Variants in ANO10 observed in about 807,000 individuals in gnomAD.
The protein encoded by ANO10 is anoctamin 10.
In ANO10, 77 loss-of-function variants were observed where a neutral mutation model predicts 74.7. The ratio of observed to expected loss-of-function variants is 1.03; its 90% confidence interval spans 0.86 to 1.25. ANO10 has a LOEUF of 1.25. Ranked by LOEUF, ANO10 falls within the 50% of genes most tolerant of loss-of-function variation. ANO10 has a pLI of 0.00. For synonymous variants in ANO10, 279 were observed against 284.9 expected, an observed-to-expected ratio of 0.98 and a Z score of 0.21; for missense variants, 721 against 778.1, an observed-to-expected ratio of 0.93 and a Z score of 0.87.
intron 4 of ANO10, among the ~76,000 whole-genome samples, chr3:43,583,997 T>C (rs1279906827): frequency 1.3e-5 from 2 of 152,242 alleles, no homozygotes; most frequent in Non-Finnish European, 2.9e-5. Flanking sequence ...ATGGTTAAAA[T>C]GTTAAGAAAC....
chr3:43,370,712 A>T (rs1482517891), intron 12 of ANO10, among the ~76,000 whole-genome samples: 1 of 152,238 alleles, frequency 6.6e-6, no homozygotes, highest in Non-Finnish European at 1.5e-5. Flanking sequence ...ATTTTCCCCT[A>T]ACTTGTGACT....
intron 1 of ANO10, among the ~76,000 whole-genome samples, chr3:43,678,788 G>A (rs1483340850): frequency 6.6e-6 from 1 of 152,104 alleles, no homozygotes; most frequent in Non-Finnish European, 1.5e-5. Flanking sequence ...TGTAATTTGA[G>A]CCATTATAAG....
chr3:43,628,803 A>G (rs2083517103), intron 1 of ANO10, among the ~76,000 whole-genome samples: 1 of 152,172 alleles, frequency 6.6e-6, no homozygotes, highest in Non-Finnish European at 1.5e-5. Flanking sequence ...CATTTGGAAG[A>G]GGAAATTCCC....
chr3:43,610,563 G>A (rs906903855), intron 1 of ANO10, among the ~76,000 whole-genome samples: 6 of 152,128 alleles, frequency 3.9e-5, no homozygotes, highest in Admixed American at 1.3e-4. Context: ...GTTACACTAC[G>A]ATGTCAGCAG....
intron 11 of ANO10, among the ~76,000 whole-genome samples, chr3:43,450,852 G>C (rs534975672): frequency 1.2e-4 from 18 of 152,130 alleles, no homozygotes; most frequent in Non-Finnish European, 1.9e-4. Flanking sequence ...CTGAAAAACT[G>C]CATTTTGGTC....
intron 11 of ANO10, among the ~76,000 whole-genome samples, chr3:43,470,281 T>C (rs1028377232): frequency 1.3e-5 from 2 of 152,174 alleles, no homozygotes; most frequent in Admixed American, 6.6e-5. Context: ...AGCAAAACTA[T>C]AGAGACAGTG....
At chr3:43,612,142 A>ATATATG (rs1553740634) in intron 1 of ANO10, among the ~76,000 whole-genome samples, 5 of 12,582 alleles carry the variant, frequency 4.0e-4, no homozygotes, top group African/African-American at 7.7e-4. Context: ...TAAATATTTT[A>ATATATG]TATATATATA....
chr3:43,558,957 G>C (rs2079894102), intron 9 of ANO10, among the ~76,000 whole-genome samples: 1 of 152,176 alleles, frequency 6.6e-6, no homozygotes, highest in Non-Finnish European at 1.5e-5. Flanking sequence ...CACAGACCCA[G>C]AGCCTGAGAG....
intron 11 of ANO10, among the ~76,000 whole-genome samples, chr3:43,460,994 G>GAA (rs35541318): frequency 2.2e-5 from 3 of 136,022 alleles, no homozygotes; most frequent in African/African-American, 8.0e-5. Context: ...GAAGGGGCTA[G>GAA]AAAAAAAAAA....
chr3:43,427,343 C>T (rs1156720709), intron 12 of ANO10, among the ~76,000 whole-genome samples: 2 of 152,058 alleles, frequency 1.3e-5, no homozygotes, highest in African/African-American at 4.8e-5. Flanking sequence ...TCCCTGGGCG[C>T]CACCTTCGAT....
chr3:43,400,966 T>G (rs1277340955), intron 12 of ANO10, among the ~76,000 whole-genome samples: 1 of 152,204 alleles, frequency 6.6e-6, no homozygotes. Context: ...TTTTTTTCCC[T>G]TCCGTTAATC....
At chr3:43,677,376 C>T (rs1037847638) in intron 1 of ANO10, among the ~76,000 whole-genome samples, 6 of 152,186 alleles carry the variant, frequency 3.9e-5, no homozygotes, top group African/African-American at 1.4e-4. Context: ...TGGTGAAACC[C>T]AGTCTCTTCT....
intron 12 of ANO10, among the ~76,000 whole-genome samples, chr3:43,379,547 G>A (rs1005932597): frequency 6.6e-6 from 1 of 152,194 alleles, no homozygotes; most frequent in Non-Finnish European, 1.5e-5. Flanking sequence ...ACTGCCTCCA[G>A]GCTCTGTGGG....
At chr3:43,389,200 G>A (rs1368696022) in intron 12 of ANO10, among the ~76,000 whole-genome samples, 1 of 152,236 alleles carries the variant, frequency 6.6e-6, no homozygotes, top group Non-Finnish European at 1.5e-5. Context: ...CCCAACAGGT[G>A]TTGAAGTAAA....
At chr3:43,585,038 T>C (rs946989391) in intron 4 of ANO10, among the ~76,000 whole-genome samples, 1 of 152,202 alleles carries the variant, frequency 6.6e-6, no homozygotes, top group Non-Finnish European at 1.5e-5. Flanking sequence ...GAAAATCTAG[T>C]ATTTAAGTTA....
At chr3:43,689,184 T>G (rs1034591989) in intron 1 of ANO10, 23 of 152,196 alleles carry the variant, frequency 1.5e-4, no homozygotes, top group African/African-American at 5.1e-4. Context: ...CCTCTAACAC[T>G]GGAGATCACA....
intron 11 of ANO10, among the ~76,000 whole-genome samples, chr3:43,444,201 G>A (rs1188211310): frequency 6.6e-6 from 1 of 152,038 alleles, no homozygotes; most frequent in Non-Finnish European, 1.5e-5. Context: ...TTTGTCCCTA[G>A]GGTGAGAAAG....
intron 11 of ANO10, among the ~76,000 whole-genome samples, chr3:43,519,782 A>AT (rs1438897504): frequency 6.6e-6 from 1 of 152,086 alleles, no homozygotes; most frequent in Non-Finnish European, 1.5e-5. Context: ...CACGGGGCAT[A>AT]TTTTTTGCAA....
chr3:43,689,375 G>A (rs2084321086), intron 1 of ANO10: 1 of 152,192 alleles, frequency 6.6e-6, no homozygotes. Flanking sequence ...ACCTTTTGCT[G>A]ACAAGCTGGA....
Sources: gnomAD v4.1 joint callset for allele counts (sites outside exome capture counted in the v4.1 genomes callset) on GRCh38, gnomAD v4.1.1 for gene constraint, MANE v1.5 for transcripts, NCBI Gene and HGNC (gene_info 2026-07-23, HGNC 2026-07-21) for gene names.